Variants in CFAP299 observed in about 807,000 individuals in gnomAD.
CFAP299 encodes the protein cilia and flagella associated protein 299.
Under a neutral mutation model 27.0 loss-of-function variants are expected in CFAP299, and 21 were observed. That is an observed-to-expected ratio of 0.78 (90% CI 0.55 to 1.12). CFAP299 has a LOEUF of 1.12. CFAP299 is among the 50% of genes most tolerant of loss of function. The probability of loss-of-function intolerance (pLI) is 0.00; values close to 1 mark genes in which losing one functional copy is unlikely to be tolerated. For missense variants in CFAP299, 310 were observed against 276.6 expected, an observed-to-expected ratio of 1.12 and a Z score of -0.86; for synonymous variants, 104 against 98.1, an observed-to-expected ratio of 1.06 and a Z score of -0.36.
intron 2 of CFAP299, among the ~76,000 whole-genome samples, chr4:80,382,742 A>C (rs1189577264): frequency 1.3e-5 from 2 of 152,206 alleles, no homozygotes; most frequent in African/African-American, 4.8e-5. Context: ...AAATTAGTTC[A>C]ACCATTGTGG....
chr4:80,871,504 C>A lies in CFAP299; in HGVS notation c.476+1369C>A. 3 of 985,298 alleles carry A rather than the reference C, an allele frequency of 3.0e-6. No individual in the cohort carries two copies. The African/African-American group carries it at 5.2e-5, about 17-fold the overall frequency. 61.0% of individuals were successfully genotyped at this position (985,298 alleles called of 1,614,324 possible). A position where few individuals can be genotyped will look rare whatever the true frequency, so the allele number is the denominator to read the frequency against. On this transcript the variant is annotated intron_variant, in intron 4 of 5. Coordinates refer to ENST00000358105, the MANE Select transcript of CFAP299 (RefSeq NM_152770.3). ...CTTTATGATTCTTAAAACTTATGTTCAAAATTAAATTCATTTTAATTCCTG... is the reference window on the plus strand; with the variant it reads ...CTTTATGATTCTTAAAACTTATGTTAAAAATTAAATTCATTTTAATTCCTG...
the CFAP299 span, among the ~76,000 whole-genome samples, chr4:80,323,174 T>A: frequency 1.3e-5 from 2 of 152,276 alleles, no homozygotes; most frequent in Non-Finnish European, 2.9e-5. Context: ...ATAGATCAGG[T>A]CAATTGGTTC....
In CFAP299 at chr4:80,812,078, C is replaced by T. The variant is rs115091353; in HGVS notation, c.334-57915C>T. Among the ~76,000 whole-genome samples the T allele has an allele frequency of 2.5e-3, 385 of 152,078 alleles. 1 individual carries two copies. The highest frequency in any genetic ancestry group is 8.8e-3 in the African/African-American group (364 of 41,512). On this transcript the variant is annotated intron_variant, in intron 3 of 5. Transcript: ENST00000358105. ...AAGTGCATTTTAGAATATATGAATA[C>T]AAACAGTATTCATATATTAGTATTC...
At chr4:80,828,636 C>T (rs1412300561) in intron 3 of CFAP299, among the ~76,000 whole-genome samples, 1 of 151,892 alleles carries the variant, frequency 6.6e-6, no homozygotes, top group Non-Finnish European at 1.5e-5. Flanking sequence ...CTCATTTGCT[C>T]CTGCCTGCTC....
At position 80,860,390 on chromosome 4, in the gene CFAP299, G is replaced by A. The variant is rs562515435; in HGVS notation, c.334-9603G>A. On this transcript the variant is annotated intron_variant, in intron 3 of 5. Transcript: ENST00000358105. Reference sequence around the variant, plus strand: ...TGTAGCTCGTAGTTTGATTGTCTGAGGCCTTCTTCTCTCAACTCGTCAAAG... The same window carrying A: ...TGTAGCTCGTAGTTTGATTGTCTGAAGCCTTCTTCTCTCAACTCGTCAAAG... 3.7e-3 allele frequency among the ~76,000 whole-genome samples: 558 copies of A among 152,110 alleles called. 3 individuals are homozygous for A. Among genetic ancestry groups the A allele is most frequent in the African/African-American group, 0.013 (543 of 41,496 alleles).
At chr4:80,827,006 G>C (rs1730021961) in intron 3 of CFAP299, among the ~76,000 whole-genome samples, 1 of 151,466 alleles carries the variant, frequency 6.6e-6, no homozygotes, top group African/African-American at 2.4e-5. Context: ...AATACTTGGA[G>C]ACAAATGAAA....
intron 2 of CFAP299, among the ~76,000 whole-genome samples, chr4:80,529,651 A>C (rs906342938): frequency 6.6e-5 from 10 of 152,134 alleles, no homozygotes; most frequent in African/African-American, 2.4e-4. Flanking sequence ...CTTGAAACTG[A>C]TGTTTTAATT....
rs553215762 is a variant in CFAP299, at chr4:80,386,500, C to T, written c.242+23616C>T. Reference sequence around the variant, plus strand: ...CCACGGCGCGGGGCTGCCCTCTTCTCGCGGGCGGTGGTGGGGGGGGGGGGT... The same window carrying T: ...CCACGGCGCGGGGCTGCCCTCTTCTTGCGGGCGGTGGTGGGGGGGGGGGGT... On this transcript the variant is annotated intron_variant, in intron 2 of 5. Transcript: ENST00000358105. 37 of 1,499,346 alleles carry T rather than the reference C, an allele frequency of 2.5e-5. 1 individual carries two copies. The South Asian group carries it at 4.4e-4, about 18-fold the overall frequency. 92.9% of individuals were successfully genotyped at this position (1,499,346 alleles called of 1,614,324 possible).
chr4:80,887,373 C>A (rs968568359), intron 4 of CFAP299, among the ~76,000 whole-genome samples: 1 of 152,014 alleles, frequency 6.6e-6, no homozygotes, highest in African/African-American at 2.4e-5. Context: ...TCTGTAATAC[C>A]TCTGGAAGCA....
intron 2 of CFAP299, among the ~76,000 whole-genome samples, chr4:80,474,051 T>A (rs1005578350): frequency 2.0e-5 from 3 of 152,206 alleles, no homozygotes; most frequent in African/African-American, 4.8e-5. Flanking sequence ...TCATGTTAGG[T>A]TTATGTCTCA....
At chr4:80,631,859 G>GCTCCCCC (rs1739222678) in intron 3 of CFAP299, among the ~76,000 whole-genome samples, 1 of 21,470 alleles carries the variant, frequency 4.7e-5, no homozygotes, top group Non-Finnish European at 9.2e-5. Context: ...GAATATTTGT[G>GCTCCCCC]CCCCACCCCC....
intron 2 of CFAP299, among the ~76,000 whole-genome samples, chr4:80,428,159 T>C (rs1727616601): frequency 6.6e-6 from 1 of 152,222 alleles, no homozygotes; most frequent in Non-Finnish European, 1.5e-5. Context: ...CCCCTGTTTT[T>C]GTTACCTCTT....
At chr4:80,708,869 A>G (rs924329525) in intron 3 of CFAP299, among the ~76,000 whole-genome samples, 5 of 152,192 alleles carry the variant, frequency 3.3e-5, no homozygotes, top group African/African-American at 1.2e-4. Flanking sequence ...ATTAAAATTG[A>G]TAACTATAAG....
chr4:80,825,111 A>T (rs1276354458), intron 3 of CFAP299, among the ~76,000 whole-genome samples: 7 of 152,018 alleles, frequency 4.6e-5, no homozygotes, highest in African/African-American at 1.7e-4. Flanking sequence ...CAGCTAAAAA[A>T]TACAATAACT....
intron 2 of CFAP299, among the ~76,000 whole-genome samples, chr4:80,482,761 A>G (rs186708283): frequency 2.0e-5 from 3 of 152,302 alleles, no homozygotes; most frequent in African/African-American, 7.2e-5. Context: ...AATATGCTCC[A>G]CCCAGTAGAC....
At chr4:80,911,672 T>C (rs539837919) in intron 4 of CFAP299, among the ~76,000 whole-genome samples, 1 of 152,222 alleles carries the variant, frequency 6.6e-6, no homozygotes, top group East Asian at 1.9e-4. Context: ...CATGTCACAC[T>C]GAAGTACATC....
chr4:80,937,607 T>G (rs1010023200), intron 4 of CFAP299, among the ~76,000 whole-genome samples: 1 of 150,858 alleles, frequency 6.6e-6, no homozygotes, highest in Non-Finnish European at 1.5e-5. Flanking sequence ...TTAATTTTAT[T>G]TATATGTGTC....
At chr4:80,626,430 G>A (rs1047904017) in intron 3 of CFAP299, among the ~76,000 whole-genome samples, 15 of 151,732 alleles carry the variant, frequency 9.9e-5, no homozygotes, top group Non-Finnish European at 4.4e-5. Flanking sequence ...ATTACAAAAG[G>A]TAAAAGATCT....
At chr4:80,551,350 C>T (rs777933478) in intron 2 of CFAP299, among the ~76,000 whole-genome samples, 1 of 152,024 alleles carries the variant, frequency 6.6e-6, no homozygotes, top group Admixed American at 6.6e-5. Context: ...ACAGCCTACA[C>T]TTTAGAAAAT....
Sources: gnomAD v4.1 joint callset for allele counts (sites outside exome capture counted in the v4.1 genomes callset) on GRCh38, gnomAD v4.1.1 for gene constraint, MANE v1.5 for transcripts, NCBI Gene and HGNC (gene_info 2026-07-23, HGNC 2026-07-21) for gene names.